PKHD1L1: variants seen among roughly 807,000 people sequenced by gnomAD.
PKHD1L1 encodes the protein fibrocystin-L.
PKHD1L1 carries 434 observed loss-of-function variants against 462.9 expected under a neutral mutation model. The ratio of observed to expected loss-of-function variants is 0.94; its 90% CI spans 0.87 to 1.02. PKHD1L1 has a LOEUF of 1.02. Among genes scored for constraint, PKHD1L1 ranks in the 50% least tolerant of loss-of-function variants. PKHD1L1 has a pLI of 0.00. For synonymous variants in PKHD1L1, 1,781 were observed against 1,750.0 expected (o/e 1.02, Z -0.44); for missense variants, 5,202 against 5,096.1 (o/e 1.02, Z -0.63).
In PKHD1L1 at chr8:109,479,648, G is replaced by A. The variant is rs1630942; in HGVS notation, c.9178+9G>A. 0.37 allele frequency: 522,185 copies of A among 1,409,780 alleles called. 99,568 individuals are homozygous for A. Among genetic ancestry groups the A allele is most frequent in the South Asian group, 0.55 (43,647 of 79,108 alleles). The allele number at this position is 1,409,780 out of a possible 1,614,324, so 87.3% of individuals were successfully genotyped here. ...TGTGATTATACCTGAAGGTAAATGCGTAAACACAAATGAATGAAATGTTTG... is the reference window on the plus strand; with the variant it reads ...TGTGATTATACCTGAAGGTAAATGCATAAACACAAATGAATGAAATGTTTG... On this transcript the variant is annotated intron_variant, in intron 54 of 77. Coordinates refer to ENST00000378402, the MANE Select transcript of PKHD1L1 (RefSeq NM_177531.6).
At chr8:109,375,142 T>G (rs867777649) in intron 2 of PKHD1L1, among the ~76,000 whole-genome samples, 5 of 152,172 alleles carry the variant, frequency 3.3e-5, no homozygotes, top group African/African-American at 1.2e-4. Flanking sequence ...GTACACCAAT[T>G]AGACGTAGAT....
chr8:109,502,857 T>G (rs1819494255), intron 67 of PKHD1L1, among the ~76,000 whole-genome samples: 1 of 152,172 alleles, frequency 6.6e-6, no homozygotes, highest in Non-Finnish European at 1.5e-5. Flanking sequence ...AGCTGTGGAG[T>G]ATAAATTGTG....
In PKHD1L1 at chr8:109,400,331, T is replaced by G. The variant is rs28442025; in HGVS notation, c.1268T>G (p.Leu423Arg). Reference protein sequence around the residue: ...RYAIYFSQTGLPEDKVRIAYH... With the variant: ...RYAIYFSQTGRPEDKVRIAYH... ...GCTATTTATTTTAGCCAGACTGGAC[T>G]TCCAGAAGATAAGGTAGGGAAGCCT... Residue 423 changes from leucine to arginine, a missense_variant, in exon 13 of 78, where the codon CTT (leucine) becomes CGT (arginine). Coordinates refer to ENST00000378402, the MANE Select transcript of PKHD1L1 (RefSeq NM_177531.6). 1,760 of 1,612,842 alleles carry G rather than the reference T, an allele frequency of 1.1e-3. 16 individuals are homozygous for G. In the African/African-American group the frequency reaches 0.021, roughly 19 times the overall value.
intron 13 of PKHD1L1, among the ~76,000 whole-genome samples, chr8:109,401,034 C>G (rs1208362972): frequency 1.3e-5 from 2 of 152,130 alleles, no homozygotes; most frequent in African/African-American, 4.8e-5. Context: ...CATGTGTACT[C>G]CAAAGGTGGT....
intron 77 of PKHD1L1, among the ~76,000 whole-genome samples, chr8:109,528,756 C>G (rs1027688789): frequency 1.3e-5 from 2 of 152,142 alleles, no homozygotes; most frequent in African/African-American, 4.8e-5. Flanking sequence ...ATCTTCATCA[C>G]CAAATTGTGA....
At chr8:109,510,229 C>T (rs952023540) in intron 70 of PKHD1L1, among the ~76,000 whole-genome samples, 1 of 152,140 alleles carries the variant, frequency 6.6e-6, no homozygotes, top group African/African-American at 2.4e-5. Context: ...AAAACAAGTG[C>T]ATGAGTGAAA....
At chr8:109,382,646 T>C in intron 4 of PKHD1L1, 75 bp downstream of exon 4, 8 of 1,183,486 alleles carry the variant, frequency 6.8e-6, no homozygotes, top group Non-Finnish European at 9.5e-6. Context: ...ATTTTTCCTT[T>C]TTAGTTTTAT....
chr8:109,380,520 G>A (rs759205290), intron 2 of PKHD1L1, among the ~76,000 whole-genome samples: 2 of 152,112 alleles, frequency 1.3e-5, no homozygotes, highest in Non-Finnish European at 2.9e-5. Context: ...CAGTAACTCC[G>A]AACTTTGGAA....
intron 37 of PKHD1L1, among the ~76,000 whole-genome samples, 190 bp from the exon 38 acceptor site, chr8:109,444,471 C>T (rs151171946): frequency 4.6e-4 from 70 of 152,266 alleles, no homozygotes; most frequent in African/African-American, 1.6e-3. Context: ...TAGCAATGCA[C>T]ATTTATGTAA....
Position 109,530,159 on chromosome 8 carries a change from C to A in PKHD1L1, c.*69C>A, listed in dbSNP as rs974632928. On this transcript the variant is annotated 3_prime_UTR_variant, in exon 78 of 78. Transcript: ENST00000378402. ...ATTAGCTACTTTGTTGGGCAATAGG[C>A]AAAAGTCTATAGCATTTTCATGAAA... The A allele has an allele frequency of 5.2e-6, 5 of 968,926 alleles. No homozygotes were observed. The highest frequency in any genetic ancestry group is 2.7e-5 in the South Asian group (1 of 36,678). The allele number at this position is 968,926 out of a possible 1,614,324, so 60.0% of individuals were successfully genotyped here.
intron 44 of PKHD1L1, 93 bp from the exon 45 acceptor site, chr8:109,454,630 G>A (rs1248640129): frequency 6.7e-7 from 1 of 1,501,696 alleles, no homozygotes; most frequent in African/African-American, 1.4e-5. Context: ...TCTCAAAAGA[G>A]AAGAGAGGAT....
intron 50 of PKHD1L1, chr8:109,470,135 C>T (rs1817645749): frequency 1.7e-6 from 1 of 597,698 alleles, no homozygotes. Flanking sequence ...AGTATATATT[C>T]CTTACAAGTT....
intron 57 of PKHD1L1, 94 bp downstream of exon 57, chr8:109,483,199 A>G: frequency 1.2e-6 from 1 of 833,468 alleles, no homozygotes; most frequent in Admixed American, 3.9e-5. Context: ...TCATTTTCTC[A>G]TGTGATTAAC....
chr8:109,520,672 G>C (rs974782654), intron 73 of PKHD1L1, among the ~76,000 whole-genome samples: 5 of 152,104 alleles, frequency 3.3e-5, no homozygotes, highest in Non-Finnish European at 5.9e-5. Context: ...TGTTCATGTA[G>C]TTGTACTCCT....
Position 109,400,122 on chromosome 8 carries a change from A to G in PKHD1L1, c.1059A>G (p.Ile353Met). Residue 353 changes from isoleucine (I) to methionine (M), a missense_variant, in exon 13 of 78, where the codon ATA (isoleucine) becomes ATG (methionine). Transcript: ENST00000378402. ...KLEVWNNSRP[I>M]RLEEILEYNE... Reference sequence around the variant, plus strand: ...AGGTGTGGAATAATAGCCGTCCAATACGTTTGGAAGAGATACTGGAATACA... The same window carrying G: ...AGGTGTGGAATAATAGCCGTCCAATGCGTTTGGAAGAGATACTGGAATACA... 1.9e-6 allele frequency: 3 copies of G among 1,613,496 alleles called. No individual in the cohort carries two copies. The African/African-American group carries it at 4.0e-5, about 22-fold the overall frequency.
chr8:109,458,488 C>T (rs528301208), intron 46 of PKHD1L1, among the ~76,000 whole-genome samples: 1 of 152,220 alleles, frequency 6.6e-6, no homozygotes, highest in East Asian at 1.9e-4. Context: ...GGGTGTCATG[C>T]CTAGAAGAGC....
rs1305332555 is a variant in PKHD1L1 at position 109,381,508 on chromosome 8, A to G, written c.302A>G (p.Tyr101Cys). ...AGTCATTCAACTCAAATTACATGCT[A>G]TACTAGGTCTGTTTTAAAGTATCTT... is the stretch of plus-strand genomic sequence containing the variant. ...DASHSTQITC[Y>C]TRAMPEDSYT... Residue 101 changes from tyrosine (Y) to cysteine (C), a missense_variant, in exon 3 of 78, where the codon TAT becomes TGT. This residue lies in a region of PKHD1L1 where 4,497 missense variants were observed against 4,336.8 expected (regional missense o/e 1.04). Transcript: ENST00000378402. 1 of 1,567,872 alleles carries G rather than the reference A, an allele frequency of 6.4e-7. No individual in the cohort carries two copies.
intron 1 of PKHD1L1, 130 bp from the exon 2 acceptor site, chr8:109,364,417 G>A (rs1037103992): frequency 2.8e-6 from 2 of 711,512 alleles, no homozygotes; most frequent in Non-Finnish European, 4.7e-6. Context: ...AAACCTGGGT[G>A]AATTTTACTT....
At chr8:109,400,840 T>C (rs1050521141) in intron 13 of PKHD1L1, among the ~76,000 whole-genome samples, 1 of 152,102 alleles carries the variant, frequency 6.6e-6, no homozygotes, top group Non-Finnish European at 1.5e-5. Flanking sequence ...ATCATTAGAC[T>C]TTTCTGTATT....
Sources: gnomAD v4.1 joint callset for allele counts (sites outside exome capture counted in the v4.1 genomes callset) on GRCh38, gnomAD v4.1.1 for gene constraint, gnomAD v4.1.1 regional missense constraint, MANE v1.5 for transcripts, NCBI Gene and HGNC (gene_info 2026-07-23, HGNC 2026-07-21) for gene names.